The following GAREM2 variants were observed in gnomAD, a reference collection of about 807,000 sequenced individuals.
GAREM2 encodes GRB2 associated regulator of MAPK1 subtype 2, also known as GRB2-associated and regulator of MAPK protein 2.
In GAREM2, 30 loss-of-function variants were observed where a neutral mutation model predicts 55.6. The observed-to-expected ratio is 0.54, with a 90% confidence interval of 0.40 to 0.73. GAREM2 has a LOEUF of 0.73. GAREM2 is among the 30% of genes least tolerant of loss of function. GAREM2 has a pLI of 0.00. For missense variants in GAREM2, 1,075 were observed against 1,257.7 expected (o/e 0.85, Z 2.20); for synonymous variants, 550 against 569.1 (o/e 0.97, Z 0.48).
At chr2:26,190,892 A>T, downstream of GAREM2, 1 of 370,742 alleles carries the variant, frequency 2.7e-6, no homozygotes, top group Non-Finnish European at 5.0e-6. Flanking sequence ...TTTGGTTTTT[A>T]TTGTTATGTG....
downstream of GAREM2, among the ~76,000 whole-genome samples, chr2:26,192,141 A>G (rs1669524890): frequency 6.6e-6 from 1 of 152,158 alleles, no homozygotes; most frequent in Non-Finnish European, 1.5e-5. Context: ...GGTGGTCACA[A>G]AGAAAATGGA....
intron 2 of GAREM2, 88 bp downstream of exon 2, chr2:26,176,572 C>G: frequency 8.1e-7 from 1 of 1,236,952 alleles, no homozygotes; most frequent in African/African-American, 1.5e-5. Context: ...AACGCTGGGA[C>G]TAGCGAGGCG....
the GAREM2 span, among the ~76,000 whole-genome samples, chr2:26,197,276 A>G: frequency 6.6e-6 from 1 of 152,174 alleles, no homozygotes; most frequent in South Asian, 2.1e-4. Context: ...AGAAGGTGTA[A>G]GCAAACCCAC....
downstream of GAREM2, chr2:26,191,518 G>A: frequency 6.2e-7 from 1 of 1,614,170 alleles, no homozygotes; most frequent in Non-Finnish European, 8.5e-7. Context: ...CCCAAAGACG[G>A]CTCCGATGTC....
chr2:26,175,546 C>T (rs1668836733), intron 1 of GAREM2, among the ~76,000 whole-genome samples: 1 of 151,830 alleles, frequency 6.6e-6, no homozygotes, highest in Non-Finnish European at 1.5e-5. Flanking sequence ...TCTGGGGACT[C>T]CCCCCTCTCC....
At chr2:26,201,213 A>G in the GAREM2 span, 5 of 1,613,690 alleles carry the variant, frequency 3.1e-6, no homozygotes, top group Non-Finnish European at 4.2e-6. Context: ...TTCAATCACC[A>G]TGTCGGCCTT....
intron 2 of GAREM2, chr2:26,182,212 A>G: frequency 7.3e-7 from 1 of 1,375,124 alleles, no homozygotes; most frequent in South Asian, 1.7e-5. Context: ...TCACTTCCGT[A>G]AAGTCTGTGT....
In GAREM2 at chr2:26,173,249, G is replaced by C; in HGVS notation, c.29G>C (p.Gly10Ala). 1 of 1,361,666 alleles carries C rather than the reference G, an allele frequency of 7.3e-7. No homozygotes were observed. Among genetic ancestry groups the C allele is most frequent in the Non-Finnish European group, 9.5e-7 (1 of 1,052,750 alleles). 84.3% of individuals were successfully genotyped at this position (1,361,666 alleles called of 1,614,324 possible). A position where few individuals can be genotyped will look rare whatever the true frequency, so the allele number is the denominator to read the frequency against. Residue 10 changes from glycine (G) to alanine (A), a missense_variant, in exon 1 of 6, where the codon GGC becomes GCC. Around this residue, in one of 6 missense-constraint regions of GAREM2, gnomAD observed 230 missense variants for 310.6 expected, o/e 0.74. Transcript: ENST00000401533. MEKLAAGLA[G>A]LRWSMGAFPL... is the part of the protein sequence containing the mutation. ...GAGAAGCTGGCGGCCGGGCTGGCCG[G>C]CCTGCGCTGGAGCATGGGCGCCTTC...
chr2:26,192,650 G>T (rs1202861783), downstream of GAREM2, among the ~76,000 whole-genome samples: 2 of 152,128 alleles, frequency 1.3e-5, no homozygotes, highest in Non-Finnish European at 2.9e-5. Flanking sequence ...GCTGGGCGAA[G>T]CAGGAGGATC....
downstream of GAREM2, chr2:26,191,233 C>G: frequency 1.9e-6 from 3 of 1,611,452 alleles, no homozygotes; most frequent in Non-Finnish European, 2.5e-6. Flanking sequence ...ACTGACTGAG[C>G]GAGGCATGAG....
At chr2:26,201,197 C>G in the GAREM2 span, 2 of 1,613,924 alleles carry the variant, frequency 1.2e-6, no homozygotes, top group African/African-American at 2.7e-5. Context: ...GGTCCTCAAA[C>G]ACAGCTTCAA....
At chr2:26,177,811 G>C (rs573268391) in intron 2 of GAREM2, among the ~76,000 whole-genome samples, 1 of 152,014 alleles carries the variant, frequency 6.6e-6, no homozygotes, top group East Asian at 1.9e-4. Context: ...ATTTTTAGTA[G>C]AGACAGGGTT....
In GAREM2 at chr2:26,185,179, C is replaced by T; in HGVS notation, c.1331C>T (p.Pro444Leu). Residue 444 changes from proline to leucine, a missense_variant, in exon 4 of 6, where the codon CCG becomes CTG. By Grantham distance (98) the Pro-to-Leu change is moderately conservative. This residue lies in a region of GAREM2 where 515 missense variants were observed against 501.5 expected (regional missense o/e 1.03). Coordinates refer to ENST00000401533, the MANE Select transcript of GAREM2 (RefSeq NM_001168241.2). ...CAGGGGCCCGAGGGCCTCGTCCGGC[C>T]GCCCCCAGGGCTCGATCTCATCTCC... is the stretch of plus-strand genomic sequence containing the variant. Reference protein sequence around the residue: ...AHQGPEGLVRPPPGLDLISFG... With the variant: ...AHQGPEGLVRLPPGLDLISFG... 2.0e-6 allele frequency: 3 copies of T among 1,508,988 alleles called. No homozygotes were observed. Among genetic ancestry groups the T allele is most frequent in the Non-Finnish European group, 2.6e-6 (3 of 1,136,172 alleles). The allele number at this position is 1,508,988 out of a possible 1,614,324, so 93.5% of individuals were successfully genotyped here. A position where few individuals can be genotyped will look rare whatever the true frequency, so the allele number is the denominator to read the frequency against.
Position 26,188,592 on chromosome 2 carries a change from A to G in GAREM2, c.*335A>G, listed in dbSNP as rs183150849. On this transcript the variant is annotated 3_prime_UTR_variant, in exon 6 of 6. Transcript: ENST00000401533. ...ACCTAACACCACCTCATGCCCTGCT[A>G]TAGACCTTCACAAACGACTTCCACT... 6.9e-4 allele frequency: 168 copies of G among 244,246 alleles called. 1 individual carries two copies. The highest frequency in any genetic ancestry group is 3.6e-3 in the African/African-American group (160 of 45,022). The allele number at this position is 244,246 out of a possible 1,614,324, so 15.1% of individuals were successfully genotyped here.
intron 1 of GAREM2, among the ~76,000 whole-genome samples, chr2:26,175,011 C>T (rs1668815049): frequency 6.6e-6 from 1 of 152,076 alleles, no homozygotes; most frequent in Non-Finnish European, 1.5e-5. Flanking sequence ...TTAGACAACA[C>T]CCCCAACACA....
downstream of GAREM2, among the ~76,000 whole-genome samples, chr2:26,191,914 A>G (rs1156337270): frequency 1.3e-5 from 2 of 152,236 alleles, no homozygotes; most frequent in African/African-American, 4.8e-5. Flanking sequence ...CTCACAAATG[A>G]TAATAAAGAT....
chr2:26,192,432 A>G (rs749138340), downstream of GAREM2: 22 of 1,317,664 alleles, frequency 1.7e-5, no homozygotes, highest in Non-Finnish European at 2.2e-5. Context: ...GACCTAAAAC[A>G]GGCAAGAAAA....
chr2:26,200,266 T>C, the GAREM2 span, among the ~76,000 whole-genome samples: 1 of 152,210 alleles, frequency 6.6e-6, no homozygotes, highest in African/African-American at 2.4e-5. Context: ...ATGTTCACCT[T>C]TCAGTAACCC....
chr2:26,186,748 G>T (rs1669271929), intron 5 of GAREM2, among the ~76,000 whole-genome samples: 1 of 152,204 alleles, frequency 6.6e-6, no homozygotes, highest in Non-Finnish European at 1.5e-5. Context: ...GGCCGAGTTG[G>T]GTGAATCACT....
Sources: allele counts gnomAD v4.1 joint callset (sites outside exome capture counted in the v4.1 genomes callset), GRCh38; gene constraint gnomAD v4.1.1; regional missense constraint gnomAD v4.1.1; transcripts MANE v1.5; gene names NCBI Gene and HGNC (gene_info 2026-07-23, HGNC 2026-07-21).